GALNT17: variants seen among roughly 807,000 people sequenced by gnomAD.
GALNT17 encodes the protein UDP-GalNAc:polypeptide N-acetylgalactosaminyltransferase-like 3.
A neutral mutation model predicts 63.7 loss-of-function variants in GALNT17; 29 were observed. The observed-to-expected ratio is 0.46, with a 90% confidence interval of 0.34 to 0.62. GALNT17 has a LOEUF of 0.62. Among genes scored for constraint, GALNT17 ranks in the 20% least tolerant of loss-of-function variants. The pLI, the probability that GALNT17 is intolerant of heterozygous loss-of-function variation, is 0.01. For synonymous variants in GALNT17, 305 were observed against 318.3 expected, an observed-to-expected ratio of 0.96 and a Z score of 0.45; for missense variants, 603 against 799.6, an observed-to-expected ratio of 0.75 and a Z score of 2.97.
chr7:71,201,041 C>T (rs1272834657), intron 1 of GALNT17, among the ~76,000 whole-genome samples: 1 of 151,798 alleles, frequency 6.6e-6, no homozygotes, highest in Non-Finnish European at 1.5e-5. Context: ...CAAAATTGGG[C>T]TTAATGGTTT....
intron 3 of GALNT17, among the ~76,000 whole-genome samples, chr7:71,412,375 CTT>C (rs529402267): frequency 3.4e-5 from 5 of 145,752 alleles, no homozygotes; most frequent in Admixed American, 6.9e-5. Flanking sequence ...CATCATCTCC[CTT>C]TTTTTTTTTT....
At chr7:71,225,849 A>G (rs1789670680) in intron 1 of GALNT17, among the ~76,000 whole-genome samples, 2 of 152,198 alleles carry the variant, frequency 1.3e-5, no homozygotes, top group African/African-American at 4.8e-5. Context: ...CCATTAAACA[A>G]TGATGTTGAT....
intron 3 of GALNT17, among the ~76,000 whole-genome samples, chr7:71,410,174 G>T (rs1291147649): frequency 6.6e-6 from 1 of 151,990 alleles, no homozygotes; most frequent in African/African-American, 2.4e-5. Context: ...GATGAAACAG[G>T]TCAGAGACTA....
chr7:71,396,398 T>C (rs1178523759), intron 3 of GALNT17, among the ~76,000 whole-genome samples: 2 of 152,202 alleles, frequency 1.3e-5, no homozygotes, highest in African/African-American at 4.8e-5. Flanking sequence ...TGAATGGTTA[T>C]GTCACCCTTG....
chr7:71,621,540 T>A, intron 6 of GALNT17, among the ~76,000 whole-genome samples: 1 of 131,396 alleles, frequency 7.6e-6, no homozygotes, highest in Admixed American at 7.8e-5. Flanking sequence ...GATGGATTGA[T>A]GGATTGATGG....
intron 6 of GALNT17, among the ~76,000 whole-genome samples, chr7:71,649,596 C>G (rs1790727011): frequency 6.7e-6 from 1 of 149,376 alleles, no homozygotes; most frequent in Non-Finnish European, 1.5e-5. Flanking sequence ...AGCCATTCTG[C>G]TGGAATTCAG....
intron 6 of GALNT17, among the ~76,000 whole-genome samples, chr7:71,644,656 C>A (rs556919952): frequency 6.6e-6 from 1 of 151,632 alleles, no homozygotes; most frequent in East Asian, 1.9e-4. Flanking sequence ...GAGGCTGAGA[C>A]AGGAGGATTG....
At chr7:71,611,048 G>A (rs1367310890) in intron 6 of GALNT17, among the ~76,000 whole-genome samples, 1 of 147,404 alleles carries the variant, frequency 6.8e-6, no homozygotes, top group African/African-American at 2.5e-5. Context: ...CTGATCTTTT[G>A]TCTCCACTGT....
At chr7:71,705,445 A>G (rs1791709290) in intron 9 of GALNT17, among the ~76,000 whole-genome samples, 1 of 152,190 alleles carries the variant, frequency 6.6e-6, no homozygotes, top group Non-Finnish European at 1.5e-5. Context: ...GCTTTGGAAA[A>G]TAGTTTGGCA....
At chr7:71,658,585 T>C (rs2117034530) in intron 6 of GALNT17, among the ~76,000 whole-genome samples, 1 of 152,290 alleles carries the variant, frequency 6.6e-6, no homozygotes, top group Admixed American at 6.5e-5. Context: ...TGTTGATGAT[T>C]TTGCCTATTA....
intron 2 of GALNT17, among the ~76,000 whole-genome samples, chr7:71,370,760 C>T (rs564138936): frequency 6.6e-5 from 10 of 151,968 alleles, no homozygotes; most frequent in East Asian, 3.9e-4. Flanking sequence ...GAGCCACCAC[C>T]GCGCCTGGCC....
intron 6 of GALNT17, among the ~76,000 whole-genome samples, chr7:71,614,307 T>C (rs532386555): frequency 6.6e-6 from 1 of 151,230 alleles, no homozygotes; most frequent in East Asian, 1.9e-4. Context: ...CTCAAAGAAA[T>C]GCTCTTTGGA....
chr7:71,168,590 T>C (rs1330477520), intron 1 of GALNT17, among the ~76,000 whole-genome samples: 1 of 151,918 alleles, frequency 6.6e-6, no homozygotes, highest in Non-Finnish European at 1.5e-5. Context: ...AAGAAAATTC[T>C]ATATTTAAGG....
chr7:71,688,334 C>A (rs4719166), intron 9 of GALNT17, among the ~76,000 whole-genome samples: 115,371 of 152,004 alleles, frequency 0.76, 43,932 homozygotes, highest in South Asian at 0.85. Context: ...TTGGGTTGTT[C>A]GTTCCTGCCT....
rs1380519967 is a variant in GALNT17 at position 71,500,899 on chromosome 7, A to G, written c.963-70386A>G. Among the ~76,000 whole-genome samples the G allele has an allele frequency of 2.6e-5, 4 of 152,164 alleles. No homozygotes were observed. In the East Asian group the frequency reaches 7.7e-4, roughly 29 times the overall value. On this transcript the variant is annotated intron_variant, in intron 5 of 10. Transcript: ENST00000333538. ...TTCTCCCCCTTTACCATATCGATCT[A>G]GTTTAGATTCCAGGGCTCATCATTT...
At chr7:71,205,371 C>T (rs1789253312) in intron 1 of GALNT17, among the ~76,000 whole-genome samples, 1 of 152,040 alleles carries the variant, frequency 6.6e-6, no homozygotes, top group South Asian at 2.1e-4. Flanking sequence ...CCAGGATGAT[C>T]TCAATCTCTT....
At chr7:71,600,485 G>A (rs532907126) in intron 6 of GALNT17, among the ~76,000 whole-genome samples, 1 of 152,182 alleles carries the variant, frequency 6.6e-6, no homozygotes, top group South Asian at 2.1e-4. Flanking sequence ...TTCCCCACGT[G>A]CCCGGTACCG....
At chr7:71,150,815 C>T (rs1028954648) in intron 1 of GALNT17, among the ~76,000 whole-genome samples, 5 of 151,778 alleles carry the variant, frequency 3.3e-5, no homozygotes, top group Non-Finnish European at 5.9e-5. Context: ...TCAATGATGG[C>T]CTTGGAGTTC....
At chr7:71,642,130 G>T (rs1790612179) in intron 6 of GALNT17, among the ~76,000 whole-genome samples, 1 of 152,150 alleles carries the variant, frequency 6.6e-6, no homozygotes, top group Admixed American at 6.5e-5. Flanking sequence ...ATCCAGAAAG[G>T]GTACCATCAT....
Sources: allele counts gnomAD v4.1 joint callset (sites outside exome capture counted in the v4.1 genomes callset), GRCh38; gene constraint gnomAD v4.1.1; transcripts MANE v1.5; gene names NCBI Gene and HGNC (gene_info 2026-07-23, HGNC 2026-07-21).